The following CNGA3 variants were observed in gnomAD, a reference collection of about 807,000 sequenced individuals.
CNGA3 encodes the protein cyclic nucleotide-gated channel alpha-3.
A neutral mutation model predicts 46.6 loss-of-function variants in CNGA3; 42 were observed. The observed-to-expected ratio is 0.90, with a 90% CI of 0.70 to 1.17. CNGA3 has a LOEUF of 1.17. Among genes scored for constraint, CNGA3 ranks in the 50% most tolerant of loss-of-function variants. CNGA3 has a pLI of 0.00. For missense variants in CNGA3, 893 were observed against 890.7 expected (o/e 1.00, Z -0.03); for synonymous variants, 394 against 369.4 (o/e 1.07, Z -0.76).
At chr2:98,358,352 A>T (rs62156296) in intron 1 of CNGA3, among the ~76,000 whole-genome samples, 8,123 of 152,330 alleles carry the variant, frequency 0.053, 295 homozygotes, top group Non-Finnish European at 0.082. Context: ...GAATACCACC[A>T]ACTTGCAACC....
chr2:98,375,515 T>C (rs1334215699), intron 2 of CNGA3, among the ~76,000 whole-genome samples: 1 of 152,238 alleles, frequency 6.6e-6, no homozygotes, highest in Non-Finnish European at 1.5e-5. Context: ...CCTGCCTTTA[T>C]AGTATACAGA....
At position 98,382,666 on chromosome 2, in the gene CNGA3, G is replaced by A. The variant is rs1031658815; in HGVS notation, c.396-722G>A. Among the ~76,000 whole-genome samples the A allele has an allele frequency of 5.3e-5, 8 of 152,182 alleles. No homozygotes were observed. The East Asian group carries it at 9.6e-4, about 18-fold the overall frequency. On this transcript the variant is annotated intron_variant, in intron 4 of 7. Coordinates refer to ENST00000272602, the MANE Select transcript of CNGA3 (RefSeq NM_001298.3). Reference sequence around the variant, plus strand: ...AGCCATGTTGAAAATGTGTTCTGGCGGTCAGAGATAATACCTTTTCCTATA... The same window carrying A: ...AGCCATGTTGAAAATGTGTTCTGGCAGTCAGAGATAATACCTTTTCCTATA...
At chr2:98,386,665 C>T (rs1692660999) in intron 5 of CNGA3, among the ~76,000 whole-genome samples, 1 of 152,160 alleles carries the variant, frequency 6.6e-6, no homozygotes, top group African/African-American at 2.4e-5. Context: ...TCAGGGTGGG[C>T]CCACTGTAAT....
intron 6 of CNGA3, among the ~76,000 whole-genome samples, chr2:98,391,106 G>A (rs575090384): frequency 2.8e-4 from 43 of 152,284 alleles, no homozygotes; most frequent in African/African-American, 9.1e-4. Flanking sequence ...AGATTATGCC[G>A]CACGTCAGGG....
chr2:98,362,878 A>G (rs1045371007), intron 1 of CNGA3, among the ~76,000 whole-genome samples: 2 of 152,218 alleles, frequency 1.3e-5, no homozygotes, highest in Non-Finnish European at 2.9e-5. Context: ...ATGGCTAGCC[A>G]GTTCTCCCAG....
At chr2:98,361,055 T>C (rs1692020984) in intron 1 of CNGA3, among the ~76,000 whole-genome samples, 2 of 152,084 alleles carry the variant, frequency 1.3e-5, no homozygotes, top group South Asian at 4.1e-4. Flanking sequence ...CTGGGGTACA[T>C]GCGCAGGACG....
chr2:98,362,911 C>G (rs1375315878), intron 1 of CNGA3, among the ~76,000 whole-genome samples: 1 of 152,170 alleles, frequency 6.6e-6, no homozygotes, highest in Non-Finnish European at 1.5e-5. Flanking sequence ...AATAGGGAAT[C>G]CTTTCCCCAT....
In CNGA3 at chr2:98,384,077, G is replaced by C. The variant is rs184003207; in HGVS notation, c.449+636G>C. 2.6e-3 allele frequency among the ~76,000 whole-genome samples: 397 copies of C among 151,728 alleles called. 10 individuals are homozygous for C. The East Asian group carries it at 0.053, about 20-fold the overall frequency. On this transcript the variant is annotated intron_variant, in intron 5 of 7. Coordinates refer to ENST00000272602, the MANE Select transcript of CNGA3 (RefSeq NM_001298.3). ...AGTTTTTTTGTATTTTTAGTAGAGA[G>C]GGGGGGTTTCACCGTGTTAGCCAGG...
rs138667426 is a variant in CNGA3 at position 98,362,476 on chromosome 2, C to T, written c.-37-7463C>T. Among the ~76,000 whole-genome samples, 101 of 151,922 alleles carry T rather than the reference C, an allele frequency of 6.6e-4. No individual in the cohort carries two copies. The East Asian group carries it at 8.3e-3, about 13-fold the overall frequency. On this transcript the variant is annotated intron_variant, in intron 1 of 7. Transcript: ENST00000272602. ...GATTACAGATGTGAACCACTACACCCGGCCTGCCCACTTTTTAATGTTGTT... is the reference window on the plus strand; with the variant it reads ...GATTACAGATGTGAACCACTACACCTGGCCTGCCCACTTTTTAATGTTGTT...
intron 1 of CNGA3, among the ~76,000 whole-genome samples, chr2:98,362,620 T>C (rs955142792): frequency 6.7e-6 from 1 of 149,836 alleles, no homozygotes; most frequent in Non-Finnish European, 1.5e-5. Flanking sequence ...ACTCTGATGA[T>C]AGTTTCTTTT....
chr2:98,375,961 G>A (rs1054063797), intron 2 of CNGA3, among the ~76,000 whole-genome samples: 1 of 152,122 alleles, frequency 6.6e-6, no homozygotes, highest in African/African-American at 2.4e-5. Flanking sequence ...TATGTGGCTG[G>A]CATACAGAAA....
chr2:98,349,399 T>C (rs1691725272), intron 1 of CNGA3, among the ~76,000 whole-genome samples: 1 of 152,218 alleles, frequency 6.6e-6, no homozygotes, highest in Non-Finnish European at 1.5e-5. Context: ...GGAGACTGCG[T>C]GCTGGAGAAA....
chr2:98,392,652 T>C (rs896599057), intron 7 of CNGA3, among the ~76,000 whole-genome samples: 1 of 152,008 alleles, frequency 6.6e-6, no homozygotes. Flanking sequence ...CCCCTCCAGC[T>C]CTCACTACTC....
At chr2:98,387,434 G>A (rs1031952631) in intron 5 of CNGA3, among the ~76,000 whole-genome samples, 1 of 152,174 alleles carries the variant, frequency 6.6e-6, no homozygotes, top group Admixed American at 6.5e-5. Flanking sequence ...GGACTCGAGG[G>A]GTTGTCCCTT....
At chr2:98,346,594 G>A (rs1176296485) in intron 1 of CNGA3, 60 bp downstream of exon 1, 2 of 396,866 alleles carry the variant, frequency 5.0e-6, no homozygotes, top group Non-Finnish European at 8.9e-6. Flanking sequence ...GAGGTGTGCT[G>A]GGGCCGCAGA....
At chr2:98,361,783 C>T (rs1213329163) in intron 1 of CNGA3, among the ~76,000 whole-genome samples, 2 of 148,354 alleles carry the variant, frequency 1.3e-5, no homozygotes, top group African/African-American at 5.0e-5. Context: ...TCTCGGCTCT[C>T]TGCAAGCTCC....
In CNGA3 at chr2:98,398,423, CTTCT is replaced by C. The variant is rs1692974696; in HGVS notation, c.*1176_*1179del. ...GCAAATTACCCAAAGATGAGTCTTTCTTCTTTCTTTCCTTTTTCCTTTCTTCTTC... is the reference window on the plus strand; with the variant it reads ...GCAAATTACCCAAAGATGAGTCTTTCTTCTTTCCTTTTTCCTTTCTTCTTC... On this transcript the variant is annotated 3_prime_UTR_variant, in exon 8 of 8. Transcript: ENST00000272602. 1 of 152,130 alleles carries C rather than the reference CTTCT, an allele frequency of 6.6e-6. No individual in the cohort carries two copies. Among genetic ancestry groups the C allele is most frequent in the African/African-American group, 2.4e-5 (1 of 41,432 alleles). 9.4% of individuals were successfully genotyped at this position (152,130 alleles called of 1,614,324 possible).
chr2:98,355,642 T>C (rs1407670988), intron 1 of CNGA3, among the ~76,000 whole-genome samples: 1 of 152,252 alleles, frequency 6.6e-6, no homozygotes, highest in Non-Finnish European at 1.5e-5. Context: ...ATATTGACTA[T>C]CATGGCCAAA....
intron 7 of CNGA3, among the ~76,000 whole-genome samples, 177 bp downstream of exon 7, chr2:98,392,147 G>A (rs1692805218): frequency 6.6e-6 from 1 of 152,234 alleles, no homozygotes; most frequent in Non-Finnish European, 1.5e-5. Context: ...CGGAACCCTT[G>A]GACAGGACGC....
Sources: allele counts gnomAD v4.1 joint callset (sites outside exome capture counted in the v4.1 genomes callset), GRCh38; gene constraint gnomAD v4.1.1; transcripts MANE v1.5; gene names NCBI Gene and HGNC (gene_info 2026-07-23, HGNC 2026-07-21).